The following AK9 variants were observed in gnomAD, a reference collection of about 807,000 sequenced individuals.
The protein encoded by AK9 is adenylate kinase domain containing 1.
A neutral mutation model predicts 239.6 loss-of-function variants in AK9; 191 were observed. That is an observed-to-expected ratio of 0.80 (90% CI 0.71 to 0.90). The LOEUF is 0.90. AK9 is among the 40% of genes least tolerant of loss of function. AK9 has a pLI of 0.00. For missense variants in AK9, 1,995 were observed against 2,214.7 expected (o/e 0.90, Z 1.99); for synonymous variants, 689 against 721.0 (o/e 0.96, Z 0.71).
At chr6:109,546,487 C>T (rs1179736257) in intron 25 of AK9, among the ~76,000 whole-genome samples, 1 of 152,082 alleles carries the variant, frequency 6.6e-6, no homozygotes, top group Non-Finnish European at 1.5e-5. Flanking sequence ...ACAGAAAGCC[C>T]ACTAATAATA....
At chr6:109,612,894 T>C (rs1365307309) in intron 15 of AK9, among the ~76,000 whole-genome samples, 2 of 149,996 alleles carry the variant, frequency 1.3e-5, no homozygotes, top group Non-Finnish European at 3.0e-5. Context: ...TATATTTATA[T>C]AAAAATTTAT....
chr6:109,597,913 C>G (rs2128225363), intron 17 of AK9, among the ~76,000 whole-genome samples: 1 of 152,144 alleles, frequency 6.6e-6, no homozygotes, highest in East Asian at 1.9e-4. Flanking sequence ...TTCAATGAAC[C>G]ATTTGTATTT....
chr6:109,603,855 G>T (rs1009056880), intron 17 of AK9, among the ~76,000 whole-genome samples: 1 of 152,176 alleles, frequency 6.6e-6, no homozygotes, highest in South Asian at 2.1e-4. Flanking sequence ...CTCTCTGGGC[G>T]TGGGACCCTC....
At chr6:109,569,945 A>G (rs1787171373) in intron 21 of AK9, among the ~76,000 whole-genome samples, 2 of 152,172 alleles carry the variant, frequency 1.3e-5, no homozygotes. Flanking sequence ...TACCCAAAGG[A>G]TTACAAATCA....
At chr6:109,649,548 A>C (rs1372880664) in intron 8 of AK9, among the ~76,000 whole-genome samples, 1 of 152,108 alleles carries the variant, frequency 6.6e-6, no homozygotes, top group Non-Finnish European at 1.5e-5. Flanking sequence ...GACCTCTTCA[A>C]GGAGAACTAC....
chr6:109,649,040 A>C (rs1798522622), intron 8 of AK9, among the ~76,000 whole-genome samples: 1 of 152,258 alleles, frequency 6.6e-6, no homozygotes, highest in Admixed American at 6.5e-5. Context: ...AAAATTCAAC[A>C]ACCGTTCATG....
intron 25 of AK9, among the ~76,000 whole-genome samples, chr6:109,548,597 T>C (rs939883842): frequency 3.3e-5 from 5 of 152,174 alleles, no homozygotes; most frequent in Non-Finnish European, 7.3e-5. Context: ...TGTGGCCTAA[T>C]TGACAAGGAC....
At chr6:109,558,250 T>C (rs1469840470) in intron 24 of AK9, among the ~76,000 whole-genome samples, 2 of 152,200 alleles carry the variant, frequency 1.3e-5, no homozygotes, top group Non-Finnish European at 2.9e-5. Context: ...CGAAGGCCAA[T>C]TTATCATTCT....
intron 8 of AK9, among the ~76,000 whole-genome samples, chr6:109,644,929 GT>G (rs1320538668): frequency 1.3e-5 from 2 of 152,076 alleles, no homozygotes; most frequent in African/African-American, 4.8e-5. Context: ...ATGCCTTAAT[GT>G]TTTTTCCAAT....
intron 1 of AK9, among the ~76,000 whole-genome samples, chr6:109,676,187 C>A (rs1247711002): frequency 3.3e-5 from 5 of 152,026 alleles, no homozygotes; most frequent in Non-Finnish European, 4.4e-5. Flanking sequence ...TTGGTTAATT[C>A]CATGAAGAAA....
chr6:109,537,028 G>A (rs949274251), intron 27 of AK9, among the ~76,000 whole-genome samples: 2 of 152,150 alleles, frequency 1.3e-5, no homozygotes, highest in Admixed American at 1.3e-4. Flanking sequence ...GAGGATTTTT[G>A]CATCAATGTT....
chr6:109,642,254 T>C (rs903546355), intron 9 of AK9, among the ~76,000 whole-genome samples: 8 of 152,200 alleles, frequency 5.3e-5, no homozygotes, highest in African/African-American at 1.9e-4. Context: ...TGTGGCACTT[T>C]GTTATGGCAA....
intron 21 of AK9, among the ~76,000 whole-genome samples, chr6:109,570,345 G>A (rs1434661992): frequency 2.6e-5 from 4 of 151,992 alleles, no homozygotes; most frequent in African/African-American, 9.7e-5. Flanking sequence ...GAGTTAACGG[G>A]TGCAGCACAC....
intron 24 of AK9, among the ~76,000 whole-genome samples, chr6:109,561,296 G>C (rs926217882): frequency 2.7e-5 from 4 of 150,802 alleles, no homozygotes; most frequent in African/African-American, 9.8e-5. Context: ...TAGAATCCTA[G>C]GTTGACAGTT....
At chr6:109,631,954 C>T (rs556999852) in intron 12 of AK9, 82 of 164,566 alleles carry the variant, frequency 5.0e-4, no homozygotes, top group African/African-American at 9.8e-4. Context: ...TATGCTTCCA[C>T]GGCAAAACCA....
intron 12 of AK9, among the ~76,000 whole-genome samples, chr6:109,620,522 A>G (rs150346627): frequency 5.9e-5 from 9 of 152,224 alleles, no homozygotes; most frequent in African/African-American, 2.2e-4. Context: ...TGTCAGGTAG[A>G]TAATAGATTT....
intron 24 of AK9, among the ~76,000 whole-genome samples, chr6:109,559,401 T>G (rs1425265755): frequency 6.6e-6 from 1 of 151,512 alleles, no homozygotes; most frequent in East Asian, 2.0e-4. Context: ...TCTCCTAACC[T>G]CGTGATCTGC....
At chr6:109,553,426 T>C (rs1784592623) in intron 24 of AK9, among the ~76,000 whole-genome samples, 1 of 152,088 alleles carries the variant, frequency 6.6e-6, no homozygotes, top group Non-Finnish European at 1.5e-5. Context: ...TATCCCTTGT[T>C]AGCTGTATTC....
At chr6:109,663,382 G>T (rs982930058) in intron 5 of AK9, among the ~76,000 whole-genome samples, 19 of 152,092 alleles carry the variant, frequency 1.2e-4, no homozygotes, top group Admixed American at 3.9e-4. Context: ...TTTCTTGGAA[G>T]AACAACAGAC....
Sources: gnomAD v4.1 joint callset for allele counts (sites outside exome capture counted in the v4.1 genomes callset) on GRCh38, gnomAD v4.1.1 for gene constraint, MANE v1.5 for transcripts, NCBI Gene and HGNC (gene_info 2026-07-23, HGNC 2026-07-21) for gene names.